PLCE1: variants seen among roughly 807,000 people sequenced by gnomAD.
PLCE1 encodes the protein phospholipase C epsilon 1, also known as 1-phosphatidylinositol 4,5-bisphosphate phosphodiesterase epsilon-1.
A neutral mutation model predicts 242.8 loss-of-function variants in PLCE1; 119 were observed. The observed-to-expected ratio is 0.49, with a 90% CI of 0.42 to 0.57. The LOEUF (loss-of-function observed/expected upper bound fraction) is 0.57. Ranked by LOEUF, PLCE1 falls within the 20% of genes least tolerant of loss-of-function variation. PLCE1 has a pLI of 0.00. For synonymous variants in PLCE1, 945 were observed against 1,017.4 expected (o/e 0.93, Z 1.35); for missense variants, 2,441 against 2,788.8 (o/e 0.88, Z 2.81).
intron 2 of PLCE1, among the ~76,000 whole-genome samples, chr10:94,120,250 T>A (rs1457631548): frequency 7.2e-5 from 11 of 152,210 alleles, no homozygotes; most frequent in Admixed American, 6.5e-4. Context: ...CACCCACCAC[T>A]ACCTATTTCA....
intron 3 of PLCE1, among the ~76,000 whole-genome samples, chr10:94,134,004 A>C (rs541209325): frequency 9.2e-5 from 14 of 151,944 alleles, no homozygotes; most frequent in Non-Finnish European, 2.1e-4. Context: ...TGGAATTGGC[A>C]TTGTTTTAAT....
chr10:94,154,244 G>A (rs752829408), intron 3 of PLCE1, among the ~76,000 whole-genome samples: 6 of 152,184 alleles, frequency 3.9e-5, no homozygotes, highest in Non-Finnish European at 5.9e-5. Context: ...CCAGTAAATG[G>A]TGCTGGGGAA....
In PLCE1 at chr10:94,137,192, C is replaced by CA. The variant is rs1007174814; in HGVS notation, c.1492+4742dup. ...TGGGCGACAGAGCAAGACTCCATCTCAAAAAAAAAGATCCTTCCACTTCCT... is the reference window on the plus strand; with the variant it reads ...TGGGCGACAGAGCAAGACTCCATCTCAAAAAAAAAAGATCCTTCCACTTCCT... On this transcript the variant is annotated intron_variant, in intron 3 of 32. Coordinates refer to ENST00000371380, the MANE Select transcript of PLCE1 (RefSeq NM_016341.4). 6.0e-5 allele frequency among the ~76,000 whole-genome samples: 9 copies of CA among 150,824 alleles called. No individual in the cohort carries two copies. In the South Asian group the frequency reaches 8.4e-4, roughly 14 times the overall value.
chr10:94,043,781 A>G (rs2061822002), intron 2 of PLCE1, among the ~76,000 whole-genome samples: 1 of 152,190 alleles, frequency 6.6e-6, no homozygotes, highest in South Asian at 2.1e-4. Flanking sequence ...ATGGCCACAA[A>G]CCAAATATGG....
intron 5 of PLCE1, among the ~76,000 whole-genome samples, chr10:94,227,910 A>C (rs563563485): frequency 2.6e-5 from 4 of 152,406 alleles, no homozygotes. Flanking sequence ...TCTCATTATT[A>C]ACAAACACTA....
chr10:94,253,233 G>A (rs1322450838), intron 9 of PLCE1, among the ~76,000 whole-genome samples: 1 of 152,200 alleles, frequency 6.6e-6, no homozygotes, highest in East Asian at 1.9e-4. Flanking sequence ...AGGAAGCATG[G>A]TGCCAGCATC....
chr10:94,147,981 A>G (rs1371045237), intron 3 of PLCE1, among the ~76,000 whole-genome samples: 2 of 152,210 alleles, frequency 1.3e-5, no homozygotes, highest in African/African-American at 4.8e-5. Context: ...CATGATACAC[A>G]AAAGGCAAAA....
intron 2 of PLCE1, among the ~76,000 whole-genome samples, chr10:94,049,599 GTC>G (rs547011018): frequency 6.6e-6 from 1 of 150,570 alleles, no homozygotes; most frequent in East Asian, 1.9e-4. Context: ...CTGTCTGTCT[GTC>G]TCTCTCTCTC....
At chr10:94,070,963 G>A (rs1048777622) in intron 2 of PLCE1, among the ~76,000 whole-genome samples, 9 of 152,094 alleles carry the variant, frequency 5.9e-5, no homozygotes, top group African/African-American at 2.2e-4. Context: ...TACATGCCAG[G>A]CACCGTGCTA....
chr10:94,002,826 T>C (rs2134190442), intron 1 of PLCE1, among the ~76,000 whole-genome samples: 1 of 152,332 alleles, frequency 6.6e-6, no homozygotes, highest in African/African-American at 2.4e-5. Context: ...GATCACATGA[T>C]AAATACATCA....
At chr10:94,125,953 A>G (rs1045639126) in intron 2 of PLCE1, among the ~76,000 whole-genome samples, 1 of 152,130 alleles carries the variant, frequency 6.6e-6, no homozygotes. Context: ...CTTTTAGTGC[A>G]TGCAAGTCTT....
At chr10:94,165,571 T>C (rs1362733247) in intron 3 of PLCE1, among the ~76,000 whole-genome samples, 1 of 152,104 alleles carries the variant, frequency 6.6e-6, no homozygotes, top group African/African-American at 2.4e-5. Flanking sequence ...CCTCTAATTT[T>C]AGCTTTAAGT....
rs2045182488 is a variant in PLCE1, at chr10:94,093,927, G to A, written c.1207-38247G>A. On this transcript the variant is annotated intron_variant, in intron 2 of 32. Transcript: ENST00000371380. Reference sequence around the variant, plus strand: ...ATGAAGGTCATTCAGTCATTTAATCGGTATTTCTTTTTTTTTTTTTTTTTT... The same window carrying A: ...ATGAAGGTCATTCAGTCATTTAATCAGTATTTCTTTTTTTTTTTTTTTTTT... 7.9e-5 allele frequency among the ~76,000 whole-genome samples: 11 copies of A among 139,808 alleles called. No homozygotes were observed. The South Asian group carries it at 2.3e-3, about 29-fold the overall frequency. 91.7% of individuals were successfully genotyped at this position (139,808 alleles called of 152,430 possible).
At position 94,171,207 on chromosome 10, in the gene PLCE1, A is replaced by C. The variant is rs1590176627; in HGVS notation, c.1520A>C (p.Asn507Thr). The change falls in exon 4 of 33, where the codon AAT becomes ACT. Residue 507 changes from asparagine (N) to threonine (T), a missense_variant. By Grantham distance (65) the Asn-to-Thr change is moderately conservative (BLOSUM62 0). Transcript: ENST00000371380. The stretch of plus-strand genomic sequence containing the variant: ...CGCCAGCCAGGCCCCTCTGTGGCCA[A>C]TTCCAATGCCCTCCCTTCAAGTTCA... The part of the protein sequence containing the change: ...KERQPGPSVA[N>T]SNALPSSSAG... 2.5e-6 allele frequency: 4 copies of C among 1,614,208 alleles called. No individual in the cohort carries two copies. The highest frequency in any genetic ancestry group is 3.4e-6 in the Non-Finnish European group (4 of 1,180,018).
At chr10:94,278,526 C>G (rs987754780) in intron 19 of PLCE1, among the ~76,000 whole-genome samples, 1 of 152,158 alleles carries the variant, frequency 6.6e-6, no homozygotes, top group Non-Finnish European at 1.5e-5. Context: ...TGTTAATAAA[C>G]ACATATATTC....
At chr10:94,064,208 A>G (rs548122596) in intron 2 of PLCE1, among the ~76,000 whole-genome samples, 2 of 152,290 alleles carry the variant, frequency 1.3e-5, no homozygotes, top group Admixed American at 1.3e-4. Flanking sequence ...CACAATGGTG[A>G]GTTTGGAAAC....
At chr10:94,258,971 T>C (rs767660936) in intron 12 of PLCE1, 43 bp from the exon 13 acceptor site, 1 of 1,614,080 alleles carries the variant, frequency 6.2e-7, no homozygotes, top group South Asian at 1.1e-5. Flanking sequence ...CCCCCATTTC[T>C]ATAAAGATAC....
At chr10:94,009,812 A>T (rs1447457014) in intron 1 of PLCE1, among the ~76,000 whole-genome samples, 1 of 152,242 alleles carries the variant, frequency 6.6e-6, no homozygotes, top group Admixed American at 6.5e-5. Context: ...CTGGTGCTTT[A>T]TGGCTTTGCA....
In PLCE1 at chr10:94,035,295, G is replaced by T. The variant is rs150513174; in HGVS notation, c.1206+3043G>T. 2.0e-3 allele frequency among the ~76,000 whole-genome samples: 307 copies of T among 152,306 alleles called. 1 individual carries two copies. The highest frequency in any genetic ancestry group is 7.1e-3 in the African/African-American group (294 of 41,562). On this transcript the variant is annotated intron_variant, in intron 2 of 32. Transcript: ENST00000371380. ...TTTCCCTATGAGGGTTGTGAATCGG[G>T]TGTAAATTTCAGAATAATTTTTGGT...
Sources: gnomAD v4.1 joint callset for allele counts (sites outside exome capture counted in the v4.1 genomes callset) on GRCh38, gnomAD v4.1.1 for gene constraint, MANE v1.5 for transcripts, NCBI Gene and HGNC (gene_info 2026-07-23, HGNC 2026-07-21) for gene names.